PLSCR4: variants seen among roughly 807,000 people sequenced by gnomAD.
PLSCR4 encodes the protein phospholipid scramblase 4, also known as Ca(2+)-dependent phospholipid scramblase 4.
A neutral mutation model predicts 36.3 loss-of-function variants in PLSCR4; 25 were observed. The ratio of observed to expected loss-of-function variants is 0.69; its 90% CI spans 0.50 to 0.96. PLSCR4 has a LOEUF of 0.96. Ranked by LOEUF, PLSCR4 falls within the 40% of genes least tolerant of loss-of-function variation. The pLI is 0.00. For synonymous variants in PLSCR4, 122 were observed against 132.9 expected, an observed-to-expected ratio of 0.92 and a Z score of 0.56; for missense variants, 408 against 414.7, an observed-to-expected ratio of 0.98 and a Z score of 0.14.
At chr3:146,198,236 T>C (rs1191362802) in intron 6 of PLSCR4, among the ~76,000 whole-genome samples, 5 of 152,164 alleles carry the variant, frequency 3.3e-5, no homozygotes, top group African/African-American at 9.6e-5. Flanking sequence ...GATGGAACTG[T>C]TTGGGATTTG....
intron 4 of PLSCR4, among the ~76,000 whole-genome samples, chr3:146,205,964 C>T (rs3828380): frequency 0.047 from 7,195 of 152,106 alleles, 199 homozygotes; most frequent in South Asian, 0.073. Flanking sequence ...AGAATATCTA[C>T]ATAGATGTTA....
intron 3 of PLSCR4, among the ~76,000 whole-genome samples, chr3:146,207,963 G>A (rs1020347694): frequency 6.6e-6 from 1 of 152,080 alleles, no homozygotes; most frequent in Non-Finnish European, 1.5e-5. Flanking sequence ...AAAAGAGCCT[G>A]CATAGCCAAA....
At chr3:146,209,696 A>G (rs2034523788) in intron 3 of PLSCR4, among the ~76,000 whole-genome samples, 1 of 152,084 alleles carries the variant, frequency 6.6e-6, no homozygotes, top group African/African-American at 2.4e-5. Context: ...TTAATTAATT[A>G]AAATTTATAA....
chr3:146,223,646 ACGAGC>A (rs1045026169), intron 1 of PLSCR4: 2 of 152,082 alleles, frequency 1.3e-5, no homozygotes, highest in Non-Finnish European at 2.9e-5. Context: ...CTGCCATGGT[ACGAGC>A]CAGTATGCAG....
intron 3 of PLSCR4, among the ~76,000 whole-genome samples, chr3:146,207,552 G>A (rs2034405622): frequency 6.6e-6 from 1 of 151,964 alleles, no homozygotes; most frequent in South Asian, 2.1e-4. Context: ...GAGAGAGAGA[G>A]ACAGAAAGAC....
intron 1 of PLSCR4, among the ~76,000 whole-genome samples, chr3:146,246,540 A>G (rs189591542): frequency 2.5e-4 from 38 of 151,992 alleles, no homozygotes; most frequent in African/African-American, 8.0e-4. Flanking sequence ...CAAATTGTTT[A>G]AAGAGAATAT....
At chr3:146,223,871 T>C (rs2035300085) in intron 1 of PLSCR4, 1 of 59,826 alleles carries the variant, frequency 1.7e-5, no homozygotes, top group East Asian at 3.0e-4. Flanking sequence ...ATATTTAATA[T>C]ATATTATATA....
At chr3:146,197,844 G>A (rs1384992459) in intron 6 of PLSCR4, among the ~76,000 whole-genome samples, 2 of 151,912 alleles carry the variant, frequency 1.3e-5, no homozygotes, top group East Asian at 3.9e-4. Flanking sequence ...TTAAATTAAG[G>A]TATTATTGTT....
intron 5 of PLSCR4, 58 bp from the exon 6 acceptor site, chr3:146,200,097 T>C (rs2033967524): frequency 1.0e-6 from 1 of 1,004,628 alleles, no homozygotes; most frequent in Non-Finnish European, 1.5e-6. Flanking sequence ...CCTCAGAAAG[T>C]CCTTGTTTAG....
intron 6 of PLSCR4, among the ~76,000 whole-genome samples, chr3:146,197,384 G>GC (rs1031759019): frequency 6.6e-6 from 1 of 152,112 alleles, no homozygotes; most frequent in Non-Finnish European, 1.5e-5. Flanking sequence ...TGCTTGCTGT[G>GC]CTGTAAAACG....
At chr3:146,249,942 A>G (rs1348564069) in intron 1 of PLSCR4, among the ~76,000 whole-genome samples, 1 of 152,158 alleles carries the variant, frequency 6.6e-6, no homozygotes, top group Non-Finnish European at 1.5e-5. Context: ...ATAAACATCA[A>G]CTGACTTCTA....
intron 8 of PLSCR4, among the ~76,000 whole-genome samples, chr3:146,194,766 T>C (rs1386410084): frequency 6.6e-6 from 1 of 152,158 alleles, no homozygotes; most frequent in Non-Finnish European, 1.5e-5. Flanking sequence ...ACATCCACTT[T>C]AGAGTTATTT....
chr3:146,224,086 GACT>G (rs1195163319), intron 1 of PLSCR4, among the ~76,000 whole-genome samples: 4 of 151,804 alleles, frequency 2.6e-5, no homozygotes, highest in Non-Finnish European at 5.9e-5. Flanking sequence ...TAAGGAAAAT[GACT>G]ACAGCTTTCT....
intron 4 of PLSCR4, among the ~76,000 whole-genome samples, chr3:146,203,914 TTGGC>T (rs992658564): frequency 1.3e-4 from 20 of 152,078 alleles, no homozygotes; most frequent in Non-Finnish European, 2.5e-4. Context: ...CATTCACAGC[TTGGC>T]TAACTGGTGC....
At chr3:146,205,277 T>C (rs1261584627) in intron 4 of PLSCR4, among the ~76,000 whole-genome samples, 1 of 152,080 alleles carries the variant, frequency 6.6e-6, no homozygotes, top group Non-Finnish European at 1.5e-5. Context: ...AGTGGATACC[T>C]GAAACCACAG....
At chr3:146,242,493 G>T (rs535939954) in intron 1 of PLSCR4, among the ~76,000 whole-genome samples, 45 of 150,568 alleles carry the variant, frequency 3.0e-4, no homozygotes, top group African/African-American at 1.0e-3. Flanking sequence ...GAGCATTTTT[G>T]ATCTACACTG....
intron 6 of PLSCR4, among the ~76,000 whole-genome samples, chr3:146,197,300 T>C (rs1273283941): frequency 1.3e-5 from 2 of 152,056 alleles, no homozygotes; most frequent in Non-Finnish European, 2.9e-5. Context: ...ATAAAAGGCT[T>C]ACAATGAGGA....
At chr3:146,195,312 G>A in intron 7 of PLSCR4, 30 bp from the exon 8 acceptor site, 6 of 1,576,134 alleles carry the variant, frequency 3.8e-6, no homozygotes, top group Non-Finnish European at 5.2e-6. Context: ...CCTTTATGAT[G>A]ATTGAAACGC....
At chr3:146,244,044 T>A (rs2107859750) in intron 1 of PLSCR4, among the ~76,000 whole-genome samples, 1 of 152,248 alleles carries the variant, frequency 6.6e-6, no homozygotes, top group Non-Finnish European at 1.5e-5. Flanking sequence ...ATACATCCTA[T>A]TTTTTACTGT....
Sources: allele counts gnomAD v4.1 joint callset (sites outside exome capture counted in the v4.1 genomes callset), GRCh38; gene constraint gnomAD v4.1.1; transcripts MANE v1.5; gene names NCBI Gene and HGNC (gene_info 2026-07-23, HGNC 2026-07-21).